Variants in NCAM1 observed in about 807,000 individuals in gnomAD.
The protein encoded by NCAM1 is neural cell adhesion molecule 1.
A neutral mutation model predicts 109.8 loss-of-function variants in NCAM1; 14 were observed. The observed-to-expected ratio is 0.13, with a 90% confidence interval of 0.08 to 0.20. The LOEUF is 0.20. Among genes scored for constraint, NCAM1 ranks in the 10% least tolerant of loss-of-function variants. The probability of loss-of-function intolerance (pLI) is 1.00; values close to 1 mark genes in which losing one functional copy is unlikely to be tolerated. For synonymous variants in NCAM1, 418 were observed against 442.9 expected (o/e 0.94, Z 0.70); for missense variants, 774 against 1,109.9 (o/e 0.70, Z 4.30).
chr11:113,112,998 G>A (rs1213100211), intron 1 of NCAM1, among the ~76,000 whole-genome samples: 1 of 151,998 alleles, frequency 6.6e-6, no homozygotes, highest in Non-Finnish European at 1.5e-5. Flanking sequence ...CAGGCATGGG[G>A]GTGTGCACCT....
intron 1 of NCAM1, among the ~76,000 whole-genome samples, chr11:113,008,052 T>C (rs185956336): frequency 2.0e-5 from 3 of 152,356 alleles, no homozygotes; most frequent in African/African-American, 7.2e-5. Context: ...TTTATTTCTT[T>C]CTTAGTCCAT....
chr11:113,202,107 C>T (rs974318808), intron 1 of NCAM1, among the ~76,000 whole-genome samples: 1 of 152,196 alleles, frequency 6.6e-6, no homozygotes, highest in African/African-American at 2.4e-5. Flanking sequence ...TCCCAGGGCA[C>T]CTTGCACTCT....
At chr11:113,021,655 T>G (rs1210307490) in intron 1 of NCAM1, among the ~76,000 whole-genome samples, 3 of 152,214 alleles carry the variant, frequency 2.0e-5, no homozygotes, top group African/African-American at 7.2e-5. Context: ...TTACACAAAA[T>G]GCAACTAATA....
At chr11:113,024,855 A>G (rs1251679226) in intron 1 of NCAM1, among the ~76,000 whole-genome samples, 1 of 152,236 alleles carries the variant, frequency 6.6e-6, no homozygotes, top group Non-Finnish European at 1.5e-5. Context: ...CTGCTTAAAA[A>G]AATGTAAGTG....
intron 1 of NCAM1, among the ~76,000 whole-genome samples, chr11:113,200,126 G>A (rs1944005313): frequency 6.6e-6 from 1 of 152,154 alleles, no homozygotes; most frequent in Admixed American, 6.5e-5. Flanking sequence ...GTTGAAGCTG[G>A]CTGCTAATAC....
intron 1 of NCAM1, among the ~76,000 whole-genome samples, chr11:113,020,510 T>C (rs1474023629): frequency 2.0e-5 from 3 of 152,170 alleles, no homozygotes; most frequent in Non-Finnish European, 2.9e-5. Context: ...CCTTATATAT[T>C]TTGTTATATT....
intron 1 of NCAM1, among the ~76,000 whole-genome samples, chr11:113,145,142 A>C (rs1555101110): frequency 6.6e-6 from 1 of 152,234 alleles, no homozygotes; most frequent in Non-Finnish European, 1.5e-5. Context: ...ACACTCATTC[A>C]TTCACTCTTT....
At chr11:113,117,812 TC>T (rs1555095214) in intron 1 of NCAM1, among the ~76,000 whole-genome samples, 2 of 152,000 alleles carry the variant, frequency 1.3e-5, no homozygotes, top group African/African-American at 4.8e-5. Context: ...TAAACATGCA[TC>T]TTTTTATCAT....
intron 1 of NCAM1, among the ~76,000 whole-genome samples, chr11:113,013,938 T>C (rs1250029195): frequency 6.6e-6 from 1 of 152,204 alleles, no homozygotes; most frequent in Non-Finnish European, 1.5e-5. Flanking sequence ...CCTGTCCTAA[T>C]TGTCCCTTTG....
At chr11:113,082,722 G>T (rs180674287) in intron 1 of NCAM1, among the ~76,000 whole-genome samples, 4 of 152,158 alleles carry the variant, frequency 2.6e-5, no homozygotes, top group African/African-American at 9.7e-5. Flanking sequence ...GGACAATGCC[G>T]GATCATGTCG....
At chr11:113,194,234 G>A (rs1555110400) in intron 1 of NCAM1, among the ~76,000 whole-genome samples, 1 of 152,160 alleles carries the variant, frequency 6.6e-6, no homozygotes, top group South Asian at 2.1e-4. Context: ...TCCAGGGCTC[G>A]GTTGTGAAGG....
At chr11:113,209,688 A>G (rs1480349370) in intron 7 of NCAM1, among the ~76,000 whole-genome samples, 1 of 152,234 alleles carries the variant, frequency 6.6e-6, no homozygotes, top group Non-Finnish European at 1.5e-5. Flanking sequence ...GGACTCAGTC[A>G]TTGCCAAGTT....
intron 1 of NCAM1, among the ~76,000 whole-genome samples, chr11:113,014,193 A>T (rs1246590750): frequency 5.3e-5 from 8 of 152,220 alleles, no homozygotes; most frequent in African/African-American, 1.9e-4. Flanking sequence ...ATACTTTTAG[A>T]ATATAAAATG....
At chr11:112,972,035 C>A (rs1313884486) in intron 1 of NCAM1, among the ~76,000 whole-genome samples, 1 of 152,036 alleles carries the variant, frequency 6.6e-6, no homozygotes, top group African/African-American at 2.4e-5. Context: ...GATGATGGAT[C>A]CCAAATGGTA....
intron 1 of NCAM1, among the ~76,000 whole-genome samples, chr11:113,135,146 T>C (rs1250206523): frequency 1.3e-5 from 2 of 151,932 alleles, no homozygotes; most frequent in Non-Finnish European, 2.9e-5. Flanking sequence ...GTAGGGAGAT[T>C]TTGGTAACGC....
At chr11:112,971,995 T>G (rs1384441958) in intron 1 of NCAM1, among the ~76,000 whole-genome samples, 7 of 152,148 alleles carry the variant, frequency 4.6e-5, no homozygotes, top group African/African-American at 1.7e-4. Flanking sequence ...AGCTGAGATG[T>G]TAGAAATAAC....
intron 1 of NCAM1, among the ~76,000 whole-genome samples, chr11:112,987,939 G>A (rs1321318774): frequency 6.6e-6 from 1 of 152,024 alleles, no homozygotes; most frequent in African/African-American, 2.4e-5. Context: ...CATTTTATTT[G>A]TTTTGTGAAG....
intron 1 of NCAM1, among the ~76,000 whole-genome samples, chr11:113,197,440 C>T (rs555412836): frequency 1.3e-5 from 2 of 152,314 alleles, no homozygotes; most frequent in East Asian, 3.9e-4. Context: ...ACAAGACAAA[C>T]ATATAGCTGT....
intron 1 of NCAM1, among the ~76,000 whole-genome samples, chr11:113,176,347 A>G (rs1380387096): frequency 1.3e-5 from 2 of 152,204 alleles, no homozygotes; most frequent in East Asian, 3.8e-4. Context: ...AAGATGGCTT[A>G]TGTTACTCTA....
Sources: allele counts gnomAD v4.1 joint callset (sites outside exome capture counted in the v4.1 genomes callset), GRCh38; gene constraint gnomAD v4.1.1; transcripts MANE v1.5; gene names NCBI Gene and HGNC (gene_info 2026-07-23, HGNC 2026-07-21).